Variants in RARB observed in about 807,000 individuals in gnomAD.
RARB encodes HBV-activated protein.
In RARB, 17 loss-of-function variants were observed where a neutral mutation model predicts 51.9. That is an observed-to-expected ratio of 0.33 (90% CI 0.22 to 0.49). The LOEUF (loss-of-function observed/expected upper bound fraction) is 0.49. Among genes scored for constraint, RARB ranks in the 20% least tolerant of loss-of-function variants. The probability of loss-of-function intolerance (pLI) is 0.99; values close to 1 mark genes in which losing one functional copy is unlikely to be tolerated. For missense variants in RARB, 369 were observed against 550.8 expected, an observed-to-expected ratio of 0.67 and a Z score of 3.30; for synonymous variants, 215 against 195.4, an observed-to-expected ratio of 1.10 and a Z score of -0.84.
intron 5 of RARB, among the ~76,000 whole-genome samples, chr3:25,226,502 G>A (rs370554758): frequency 2.6e-5 from 4 of 152,160 alleles, no homozygotes; most frequent in Middle Eastern, 3.4e-3. Flanking sequence ...TTCTACACAC[G>A]TTTTCTTGTT....
In RARB at chr3:25,476,534, T is replaced by A. The variant is rs1020563545; in HGVS notation, c.306+15193T>A. On this transcript the variant is annotated intron_variant, in intron 2 of 7. Coordinates refer to ENST00000330688, the MANE Select transcript of RARB (RefSeq NM_000965.5). The stretch of plus-strand genomic sequence containing the variant: ...AGGGTAGATTTAGGAAAAAAAATTG[T>A]GTGGCACCCCAAATTGCCTCCCTCC... Among the ~76,000 whole-genome samples the A allele has an allele frequency of 2.0e-5, 3 of 152,186 alleles. No homozygotes were observed. The East Asian group carries it at 5.8e-4, about 29-fold the overall frequency.
At chr3:25,408,757 C>G (rs888511616) in intron 5 of RARB, among the ~76,000 whole-genome samples, 6 of 152,252 alleles carry the variant, frequency 3.9e-5, no homozygotes, top group African/African-American at 1.2e-4. Flanking sequence ...ACAACAGGGC[C>G]AAGTGCAGTG....
intron 1 of RARB, among the ~76,000 whole-genome samples, chr3:24,858,444 T>G (rs1368824266): frequency 3.3e-5 from 5 of 152,308 alleles, no homozygotes; most frequent in Admixed American, 2.6e-4. Flanking sequence ...GGCTGTACCC[T>G]ATCGTGTGAT....
intron 1 of RARB, among the ~76,000 whole-genome samples, chr3:24,833,471 A>G (rs1269208574): frequency 6.6e-6 from 1 of 152,170 alleles, no homozygotes; most frequent in Non-Finnish European, 1.5e-5. Flanking sequence ...AGTCTTATCC[A>G]TACAACAATT....
intron 2 of RARB, among the ~76,000 whole-genome samples, chr3:24,963,694 G>C (rs1696192261): frequency 6.6e-6 from 1 of 151,928 alleles, no homozygotes; most frequent in Admixed American, 6.6e-5. Context: ...GAACAAGGCA[G>C]TGTGGGCCGA....
chr3:25,331,415 C>T (rs1295107786), intron 5 of RARB, among the ~76,000 whole-genome samples: 1 of 152,146 alleles, frequency 6.6e-6, no homozygotes. Context: ...CAACCTGCTC[C>T]TGAATGACTA....
At chr3:25,058,540 C>T (rs144635515) in intron 2 of RARB, among the ~76,000 whole-genome samples, 17 of 149,850 alleles carry the variant, frequency 1.1e-4, no homozygotes, top group South Asian at 4.2e-4. Context: ...TCTCCAAAAC[C>T]AAGTAAAAAG....
At chr3:24,950,626 A>C (rs73820339) in intron 2 of RARB, among the ~76,000 whole-genome samples, 5,146 of 151,992 alleles carry the variant, frequency 0.034, 237 homozygotes, top group African/African-American at 0.098. Context: ...CATTGTTGTC[A>C]TGTTTGCTAT....
chr3:25,278,211 T>C (rs1411407203), intron 5 of RARB, among the ~76,000 whole-genome samples: 1 of 152,210 alleles, frequency 6.6e-6, no homozygotes, highest in Non-Finnish European at 1.5e-5. Context: ...ACATCTTCTG[T>C]GGCTTACCTC....
At chr3:25,333,561 A>C (rs1480593807) in intron 5 of RARB, among the ~76,000 whole-genome samples, 1 of 152,236 alleles carries the variant, frequency 6.6e-6, no homozygotes, top group Non-Finnish European at 1.5e-5. Flanking sequence ...TTAGACCTAA[A>C]ACCATAAAAA....
intron 5 of RARB, among the ~76,000 whole-genome samples, chr3:25,387,834 G>T (rs1168712500): frequency 1.9e-4 from 29 of 151,848 alleles, no homozygotes. Flanking sequence ...AAAAATGATG[G>T]CAAGGCTCAG....
chr3:25,322,519 T>C (rs1704601605), intron 5 of RARB, among the ~76,000 whole-genome samples: 1 of 152,212 alleles, frequency 6.6e-6, no homozygotes, highest in African/African-American at 2.4e-5. Flanking sequence ...ATAAATCATA[T>C]ATACCATTTT....
At chr3:24,872,202 C>G (rs1702961022) in intron 2 of RARB, among the ~76,000 whole-genome samples, 1 of 152,132 alleles carries the variant, frequency 6.6e-6, no homozygotes, top group Non-Finnish European at 1.5e-5. Flanking sequence ...TTCTGATTTC[C>G]TCCACCATTA....
intron 3 of RARB, among the ~76,000 whole-genome samples, chr3:25,072,510 T>A (rs1698788091): frequency 6.6e-6 from 1 of 152,108 alleles, no homozygotes; most frequent in African/African-American, 2.4e-5. Flanking sequence ...ATGAACTACT[T>A]GATAGCGATA....
chr3:25,078,698 A>C (rs1453544452), intron 3 of RARB, among the ~76,000 whole-genome samples: 1 of 151,910 alleles, frequency 6.6e-6, no homozygotes, highest in Admixed American at 6.6e-5. Flanking sequence ...CGCTTGACTA[A>C]TTTTGTATTT....
chr3:25,052,283 A>T (rs934482282), intron 2 of RARB, among the ~76,000 whole-genome samples: 7 of 152,294 alleles, frequency 4.6e-5, no homozygotes, highest in African/African-American at 1.7e-4. Context: ...CCAAGCCTCT[A>T]CTGTTGACCA....
At chr3:25,532,455 C>T (rs1397735259) in intron 3 of RARB, among the ~76,000 whole-genome samples, 2 of 152,166 alleles carry the variant, frequency 1.3e-5, no homozygotes, top group Non-Finnish European at 2.9e-5. Flanking sequence ...TAGCACTTTT[C>T]ATTTTAAAAG....
At chr3:25,370,549 T>A (rs909969003) in intron 5 of RARB, among the ~76,000 whole-genome samples, 1 of 152,062 alleles carries the variant, frequency 6.6e-6, no homozygotes, top group Non-Finnish European at 1.5e-5. Flanking sequence ...GAGAGAGGAT[T>A]GAGTTTTTGG....
chr3:24,896,331 C>A (rs1703478516), intron 2 of RARB, among the ~76,000 whole-genome samples: 1 of 152,116 alleles, frequency 6.6e-6, no homozygotes, highest in African/African-American at 2.4e-5. Flanking sequence ...GTGATCTCGG[C>A]TCACTGCAAC....
Sources: gnomAD v4.1 joint callset for allele counts (sites outside exome capture counted in the v4.1 genomes callset) on GRCh38, gnomAD v4.1.1 for gene constraint, MANE v1.5 for transcripts, NCBI Gene and HGNC (gene_info 2026-07-23, HGNC 2026-07-21) for gene names.